EDIL3: variants seen among roughly 807,000 people sequenced by gnomAD.
EDIL3 encodes EGF-like repeat and discoidin I-like domain-containing protein 3.
Under a neutral mutation model 67.4 loss-of-function variants are expected in EDIL3, and 37 were observed. The ratio of observed to expected loss-of-function variants is 0.55; its 90% confidence interval spans 0.42 to 0.72. The LOEUF is 0.72. Ranked by LOEUF, EDIL3 falls within the 30% of genes least tolerant of loss-of-function variation. The probability of loss-of-function intolerance (pLI) is 0.00; values close to 1 mark genes in which losing one functional copy is unlikely to be tolerated. For missense variants in EDIL3, 527 were observed against 586.3 expected, an observed-to-expected ratio of 0.90 and a Z score of 1.04; for synonymous variants, 195 against 196.3, an observed-to-expected ratio of 0.99 and a Z score of 0.05.
At chr5:84,267,656 G>A (rs1223196787) in intron 1 of EDIL3, among the ~76,000 whole-genome samples, 1 of 152,128 alleles carries the variant, frequency 6.6e-6, no homozygotes, top group Non-Finnish European at 1.5e-5. Flanking sequence ...TTGTTTCAAA[G>A]CAGGTTCAAT....
At chr5:84,070,258 G>A (rs915999275) in intron 6 of EDIL3, among the ~76,000 whole-genome samples, 1 of 152,208 alleles carries the variant, frequency 6.6e-6, no homozygotes, top group Non-Finnish European at 1.5e-5. Flanking sequence ...CTGTCCTTGT[G>A]ACAAGGTAGA....
intron 5 of EDIL3, among the ~76,000 whole-genome samples, chr5:84,136,936 G>A (rs1455720580): frequency 6.6e-6 from 1 of 151,996 alleles, no homozygotes; most frequent in Non-Finnish European, 1.5e-5. Flanking sequence ...CGTGGAACTT[G>A]AGTATCTGAG....
chr5:84,358,426 T>C (rs570996006), intron 1 of EDIL3, among the ~76,000 whole-genome samples: 4 of 152,200 alleles, frequency 2.6e-5, no homozygotes, highest in South Asian at 2.1e-4. Flanking sequence ...CCACGATATA[T>C]TGAAGAACCT....
chr5:84,365,408 C>T (rs78877780), intron 1 of EDIL3, among the ~76,000 whole-genome samples: 2,883 of 152,136 alleles, frequency 0.019, 95 homozygotes, highest in African/African-American at 0.066. Flanking sequence ...ACCATATTTA[C>T]AATTAAGACC....
intron 4 of EDIL3, among the ~76,000 whole-genome samples, chr5:84,168,087 G>T (rs756087593): frequency 1.3e-5 from 2 of 152,018 alleles, no homozygotes; most frequent in Non-Finnish European, 2.9e-5. Flanking sequence ...CTAGGCTATG[G>T]CATAATTGCA....
chr5:84,371,339 A>ATG lies in EDIL3; in HGVS notation c.67+12968_67+12969insCA, dbSNP rs1180439495. Among the ~76,000 whole-genome samples the ATG allele has an allele frequency of 1.4e-4, 20 of 139,272 alleles. 1 individual carries two copies. Among genetic ancestry groups the ATG allele is most frequent in the African/African-American group, 5.6e-4 (20 of 35,618 alleles). 91.4% of individuals were successfully genotyped at this position (139,272 alleles called of 152,430 possible). A position where few individuals can be genotyped will look rare whatever the true frequency, so the allele number is the denominator to read the frequency against. ...AAAAAGTATATATATATATATATAT[A>ATG]TATGTGTGTGTGTATATATATGTGT... On this transcript the variant is annotated intron_variant, in intron 1 of 10. Transcript: ENST00000296591.
intron 1 of EDIL3, among the ~76,000 whole-genome samples, chr5:84,356,338 G>A (rs765125274): frequency 3.3e-5 from 5 of 152,112 alleles, no homozygotes; most frequent in South Asian, 2.1e-4. Context: ...TTAAAAGAAC[G>A]GCCAGGATTA....
intron 5 of EDIL3, among the ~76,000 whole-genome samples, chr5:84,134,785 G>C (rs564258395): frequency 1.3e-5 from 2 of 152,174 alleles, no homozygotes; most frequent in East Asian, 3.9e-4. Context: ...CTCTCTAGGT[G>C]ACTCTTTCTG....
chr5:83,957,639 G>C (rs1383830226), intron 10 of EDIL3, among the ~76,000 whole-genome samples: 1 of 151,702 alleles, frequency 6.6e-6, no homozygotes, highest in African/African-American at 2.4e-5. Context: ...TTGAGAAAGG[G>C]AAGGAGGTTG....
At chr5:83,965,583 T>G (rs957207263) in intron 9 of EDIL3, among the ~76,000 whole-genome samples, 2 of 152,044 alleles carry the variant, frequency 1.3e-5, no homozygotes, top group African/African-American at 4.8e-5. Flanking sequence ...GTCCTAAACT[T>G]CTATAAGTCC....
intron 1 of EDIL3, among the ~76,000 whole-genome samples, chr5:84,335,394 T>A (rs1387963755): frequency 6.6e-6 from 1 of 152,194 alleles, no homozygotes; most frequent in East Asian, 1.9e-4. Context: ...ATTCTCCTTT[T>A]ACCAGCATTA....
chr5:84,146,285 A>AAG (rs1748288919), intron 4 of EDIL3, among the ~76,000 whole-genome samples: 1 of 152,114 alleles, frequency 6.6e-6, no homozygotes, highest in Non-Finnish European at 1.5e-5. Flanking sequence ...GAAAGTGTAA[A>AAG]TAAGTTGCCC....
intron 2 of EDIL3, among the ~76,000 whole-genome samples, chr5:84,246,315 A>T (rs1349455361): frequency 6.6e-6 from 1 of 152,214 alleles, no homozygotes; most frequent in Non-Finnish European, 1.5e-5. Flanking sequence ...ACTACTCTTG[A>T]CACCTTTGCC....
At chr5:84,009,023 G>C (rs929789227) in intron 9 of EDIL3, among the ~76,000 whole-genome samples, 2 of 152,118 alleles carry the variant, frequency 1.3e-5, no homozygotes, top group Non-Finnish European at 2.9e-5. Context: ...ATGTTGCCCA[G>C]CTGGTCTTAA....
At chr5:84,272,452 T>C (rs1183521344) in intron 1 of EDIL3, among the ~76,000 whole-genome samples, 2 of 152,192 alleles carry the variant, frequency 1.3e-5, no homozygotes, top group African/African-American at 4.8e-5. Context: ...GATTTGTTGA[T>C]ATTAATAAGC....
At chr5:84,380,719 A>AG (rs1287045921) in intron 1 of EDIL3, among the ~76,000 whole-genome samples, 11 of 152,132 alleles carry the variant, frequency 7.2e-5, no homozygotes, top group Admixed American at 7.2e-4. Context: ...AAAAATGAAA[A>AG]GTTTTAGCTA....
At chr5:84,360,170 A>C (rs1245173539) in intron 1 of EDIL3, among the ~76,000 whole-genome samples, 1 of 152,158 alleles carries the variant, frequency 6.6e-6, no homozygotes, top group Non-Finnish European at 1.5e-5. Context: ...GAAGATTTGA[A>C]GGAGAGTGGT....
At chr5:83,966,177 A>G (rs1744687742) in intron 9 of EDIL3, among the ~76,000 whole-genome samples, 1 of 152,044 alleles carries the variant, frequency 6.6e-6, no homozygotes, top group African/African-American at 2.4e-5. Flanking sequence ...TCACCTCCCC[A>G]AAGTTTGGCT....
chr5:84,048,337 C>A, intron 9 of EDIL3: 1 of 366,352 alleles, frequency 2.7e-6, no homozygotes, highest in East Asian at 9.1e-5. Context: ...AATTTTATGT[C>A]TAGAATACTC....
Sources: allele counts gnomAD v4.1 joint callset (sites outside exome capture counted in the v4.1 genomes callset), GRCh38; gene constraint gnomAD v4.1.1; transcripts MANE v1.5; gene names NCBI Gene and HGNC (gene_info 2026-07-23, HGNC 2026-07-21).